Variants in NYAP2 observed in about 807,000 individuals in gnomAD.
The protein encoded by NYAP2 is neuronal tyrosine-phosphorylated phosphoinositide-3-kinase adapter 2.
A neutral mutation model predicts 50.4 loss-of-function variants in NYAP2; 23 were observed. The observed-to-expected ratio is 0.46, with a 90% CI of 0.33 to 0.65. The LOEUF is 0.65. Among genes scored for constraint, NYAP2 ranks in the 30% least tolerant of loss-of-function variants. The pLI is 0.02. For synonymous variants in NYAP2, 394 were observed against 365.2 expected (o/e 1.08, Z -0.90); for missense variants, 885 against 861.0 (o/e 1.03, Z -0.35).
chr2:225,452,680 T>C (rs1468506274), intron 3 of NYAP2, among the ~76,000 whole-genome samples: 4 of 152,226 alleles, frequency 2.6e-5, no homozygotes, highest in East Asian at 1.9e-4. Context: ...TAGAGTGTTA[T>C]GTTGATTAGT....
chr2:225,507,077 G>A (rs940516525), intron 3 of NYAP2, among the ~76,000 whole-genome samples: 2 of 152,150 alleles, frequency 1.3e-5, no homozygotes, highest in African/African-American at 2.4e-5. Flanking sequence ...CAACCCTTCA[G>A]TTTGTATCTC....
chr2:225,654,919 G>A (rs1574733966), downstream of NYAP2, among the ~76,000 whole-genome samples: 2 of 152,094 alleles, frequency 1.3e-5, no homozygotes, highest in African/African-American at 2.4e-5. Flanking sequence ...TCACCGTTTC[G>A]TGTCATGGTT....
At chr2:225,536,744 C>G (rs191467726) in intron 4 of NYAP2, among the ~76,000 whole-genome samples, 1 of 151,454 alleles carries the variant, frequency 6.6e-6, no homozygotes, top group Admixed American at 6.6e-5. Context: ...ATTATGCTGT[C>G]AAGTAGGAGG....
chr2:225,631,823 T>C (rs1693320926), intron 6 of NYAP2, among the ~76,000 whole-genome samples: 1 of 152,130 alleles, frequency 6.6e-6, no homozygotes, highest in East Asian at 1.9e-4. Flanking sequence ...TTGTTTTGTT[T>C]TGTTCTGTTT....
the NYAP2 span, among the ~76,000 whole-genome samples, chr2:225,667,386 T>C: frequency 1.3e-5 from 2 of 152,166 alleles, no homozygotes; most frequent in East Asian, 1.9e-4. Context: ...TCTGAAGTCA[T>C]ACAATTTGTC....
At chr2:225,502,322 G>A (rs1690621281) in intron 3 of NYAP2, among the ~76,000 whole-genome samples, 1 of 152,172 alleles carries the variant, frequency 6.6e-6, no homozygotes, top group African/African-American at 2.4e-5. Flanking sequence ...AAAATTAATA[G>A]TGTATGAGTA....
the NYAP2 span, among the ~76,000 whole-genome samples, chr2:225,667,979 A>G: frequency 6.6e-6 from 1 of 152,304 alleles, no homozygotes; most frequent in East Asian, 1.9e-4. Context: ...CAGGTAATTT[A>G]TAATAATTCA....
intron 3 of NYAP2, among the ~76,000 whole-genome samples, chr2:225,507,585 A>T (rs968754744): frequency 2.6e-5 from 4 of 152,238 alleles, no homozygotes; most frequent in Non-Finnish European, 5.9e-5. Flanking sequence ...TTATCTTGAT[A>T]CCTTGAGTTA....
intron 4 of NYAP2, among the ~76,000 whole-genome samples, chr2:225,550,024 AG>A (rs200602443): frequency 1.3e-5 from 2 of 151,584 alleles, no homozygotes; most frequent in African/African-American, 4.9e-5. Flanking sequence ...ATAGAGAGAG[AG>A]AAAAAAAAAG....
chr2:225,638,155 T>TG (rs1491217261), intron 6 of NYAP2, among the ~76,000 whole-genome samples: 53 of 113,642 alleles, frequency 4.7e-4, no homozygotes, highest in East Asian at 9.4e-4. Context: ...GACTCGTGTG[T>TG]TTGTGTGTGT....
intron 5 of NYAP2, among the ~76,000 whole-genome samples, chr2:225,615,989 T>C (rs1311457195): frequency 6.6e-6 from 1 of 152,180 alleles, no homozygotes; most frequent in Non-Finnish European, 1.5e-5. Flanking sequence ...CTTTATCAGG[T>C]CTTTGCTAAT....
chr2:225,400,003 A>G (rs1197550415), exon 1 of NYAP2: 1 of 152,044 alleles, frequency 6.6e-6, no homozygotes, highest in Non-Finnish European at 1.5e-5. Context: ...ACTTCAGCTC[A>G]GTTAGATAAA....
the NYAP2 span, among the ~76,000 whole-genome samples, chr2:225,685,995 T>C: frequency 1.9e-3 from 290 of 152,254 alleles, no homozygotes; most frequent in African/African-American, 6.7e-3. Context: ...TGTCATTTTA[T>C]TTTCTTGTAG....
chr2:225,606,814 T>G (rs1692795009), intron 5 of NYAP2, among the ~76,000 whole-genome samples: 1 of 152,124 alleles, frequency 6.6e-6, no homozygotes, highest in South Asian at 2.1e-4. Flanking sequence ...GCCACTCAAA[T>G]TATAGGCATG....
intron 4 of NYAP2, among the ~76,000 whole-genome samples, chr2:225,547,101 C>T (rs557905561): frequency 1.3e-5 from 2 of 152,142 alleles, no homozygotes; most frequent in African/African-American, 2.4e-5. Flanking sequence ...CTCTCCTCCC[C>T]TCCCACACAA....
intron 4 of NYAP2, among the ~76,000 whole-genome samples, chr2:225,567,056 C>T (rs1411291198): frequency 2.6e-5 from 4 of 152,096 alleles, no homozygotes; most frequent in South Asian, 2.1e-4. Context: ...CAAACCCAGA[C>T]GGCATAGCTT....
chr2:225,398,132 C>T (rs867550361), upstream of NYAP2, among the ~76,000 whole-genome samples: 66 of 151,926 alleles, frequency 4.3e-4, no homozygotes, highest in African/African-American at 1.5e-3. Flanking sequence ...CCTCTCCTCA[C>T]TTTGTTTGGA....
At chr2:225,597,979 G>T (rs993462955) in intron 5 of NYAP2, among the ~76,000 whole-genome samples, 3 of 152,132 alleles carry the variant, frequency 2.0e-5, no homozygotes, top group Non-Finnish European at 2.9e-5. Flanking sequence ...TTTGGGTAAA[G>T]GATCTGACAT....
chr2:225,485,946 TC>T (rs1690291627), intron 3 of NYAP2, among the ~76,000 whole-genome samples: 1 of 151,992 alleles, frequency 6.6e-6, no homozygotes, highest in Admixed American at 6.6e-5. Context: ...GCCACACCCC[TC>T]CCCCAGTCAT....
Sources: allele counts gnomAD v4.1 joint callset (sites outside exome capture counted in the v4.1 genomes callset), GRCh38; gene constraint gnomAD v4.1.1; transcripts MANE v1.5; gene names NCBI Gene and HGNC (gene_info 2026-07-23, HGNC 2026-07-21).